MACROD2: variants seen among roughly 807,000 people sequenced by gnomAD.
MACROD2 encodes ADP-ribose glycohydrolase MACROD2.
A neutral mutation model predicts 70.4 loss-of-function variants in MACROD2; 36 were observed. That is an observed-to-expected ratio of 0.51 (90% CI 0.39 to 0.68). The LOEUF (loss-of-function observed/expected upper bound fraction) is 0.68. MACROD2 is among the 30% of genes least tolerant of loss of function. The probability of loss-of-function intolerance (pLI) is 0.00; values close to 1 mark genes in which losing one functional copy is unlikely to be tolerated. For synonymous variants in MACROD2, 172 were observed against 178.8 expected, an observed-to-expected ratio of 0.96 and a Z score of 0.30; for missense variants, 496 against 538.4, an observed-to-expected ratio of 0.92 and a Z score of 0.78.
At chr20:15,128,662 T>G (rs892354327) in intron 5 of MACROD2, among the ~76,000 whole-genome samples, 1 of 152,076 alleles carries the variant, frequency 6.6e-6, no homozygotes, top group Non-Finnish European at 1.5e-5. Flanking sequence ...CATTTGCTTT[T>G]GAAAGTAATT....
intron 3 of MACROD2, among the ~76,000 whole-genome samples, chr20:14,343,304 T>A (rs2083033658): frequency 6.6e-6 from 1 of 151,814 alleles, no homozygotes; most frequent in Admixed American, 6.6e-5. Context: ...GCAGATTGAG[T>A]CAATCATTTC....
intron 5 of MACROD2, chr20:14,894,775 G>A (rs931913636): frequency 2.0e-5 from 3 of 151,932 alleles, no homozygotes; most frequent in African/African-American, 7.3e-5. Flanking sequence ...TTATCATATT[G>A]ATTTCAGATC....
intron 8 of MACROD2, among the ~76,000 whole-genome samples, chr20:15,654,800 C>T (rs2049702240): frequency 6.6e-6 from 1 of 152,204 alleles, no homozygotes; most frequent in African/African-American, 2.4e-5. Context: ...ATTAGTGCCC[C>T]TTGTATCCTA....
intron 8 of MACROD2, among the ~76,000 whole-genome samples, chr20:15,636,839 G>C (rs1191503144): frequency 1.3e-5 from 2 of 152,090 alleles, no homozygotes; most frequent in Non-Finnish European, 2.9e-5. Flanking sequence ...TGGGGGCCAA[G>C]CAGGAGGGGA....
intron 8 of MACROD2, among the ~76,000 whole-genome samples, chr20:15,604,526 A>G (rs2048866657): frequency 6.6e-6 from 1 of 152,226 alleles, no homozygotes; most frequent in African/African-American, 2.4e-5. Flanking sequence ...CCAGTGGACA[A>G]GAGGACCAAA....
chr20:15,550,743 A>G lies in MACROD2; in HGVS notation c.645+50896A>G, dbSNP rs115658164. Among the ~76,000 whole-genome samples the G allele has an allele frequency of 5.4e-3, 823 of 152,300 alleles. 6 individuals carry two copies. Among genetic ancestry groups the G allele is most frequent in the African/African-American group, 0.019 (785 of 41,566 alleles). ...TTCTAATCCTGTTCCCTGCCGGGGTAGCACAACAGGCACTGGGCTAAATGA... is the reference window on the plus strand; with the variant it reads ...TTCTAATCCTGTTCCCTGCCGGGGTGGCACAACAGGCACTGGGCTAAATGA... On this transcript the variant is annotated intron_variant, in intron 8 of 17. Coordinates refer to ENST00000684519, the MANE Select transcript of MACROD2 (RefSeq NM_001351661.2).
intron 8 of MACROD2, among the ~76,000 whole-genome samples, chr20:15,554,722 A>AG (rs1248074254): frequency 6.6e-6 from 1 of 152,186 alleles, no homozygotes; most frequent in Non-Finnish European, 1.5e-5. Context: ...AATGTGAGGA[A>AG]GGGTAGGAAG....
intron 15 of MACROD2, among the ~76,000 whole-genome samples, chr20:16,008,371 A>G (rs868469476): frequency 6.6e-6 from 1 of 152,250 alleles, no homozygotes; most frequent in African/African-American, 2.4e-5. Context: ...GATTGCACAC[A>G]GTGATCCATA....
chr20:14,022,629 G>T (rs1468792897), intron 2 of MACROD2, among the ~76,000 whole-genome samples: 1 of 151,746 alleles, frequency 6.6e-6, no homozygotes, highest in Non-Finnish European at 1.5e-5. Flanking sequence ...GATGTGTGAT[G>T]TTCCCCTCCC....
At chr20:14,824,503 G>C (rs1361597492) in intron 5 of MACROD2, among the ~76,000 whole-genome samples, 1 of 152,040 alleles carries the variant, frequency 6.6e-6, no homozygotes, top group African/African-American at 2.4e-5. Flanking sequence ...GGGGCTGAAG[G>C]ATCCACTTCC....
At chr20:14,303,016 A>T (rs1159694326) in intron 3 of MACROD2, among the ~76,000 whole-genome samples, 1 of 152,190 alleles carries the variant, frequency 6.6e-6, no homozygotes, top group African/African-American at 2.4e-5. Flanking sequence ...ATTGTTAAAC[A>T]TTCGTAAAGA....
intron 3 of MACROD2, among the ~76,000 whole-genome samples, chr20:14,285,672 C>T (rs552054726): frequency 2.0e-5 from 3 of 151,770 alleles, no homozygotes; most frequent in Admixed American, 2.0e-4. Context: ...ATCTCCAGTC[C>T]CTCACTTTAT....
intron 4 of MACROD2, among the ~76,000 whole-genome samples, chr20:14,497,514 T>A (rs1465459950): frequency 4.6e-5 from 7 of 151,702 alleles, no homozygotes; most frequent in Non-Finnish European, 8.8e-5. Context: ...GGAACAAAAT[T>A]TACGGTCTCT....
intron 8 of MACROD2, among the ~76,000 whole-genome samples, chr20:15,576,776 T>C (rs1187073534): frequency 4.6e-5 from 7 of 152,124 alleles, no homozygotes; most frequent in Non-Finnish European, 8.8e-5. Context: ...TCTAAGAAAA[T>C]ATTTATTTTT....
chr20:15,844,736 A>G (rs935495020), intron 8 of MACROD2, among the ~76,000 whole-genome samples: 1 of 152,174 alleles, frequency 6.6e-6, no homozygotes, highest in Non-Finnish European at 1.5e-5. Context: ...ATGAATGTAT[A>G]CATTCAACTT....
rs1246315096 is a variant in MACROD2, at chr20:13,995,579, G to C, written c.-185G>C. 2 of 675,344 alleles carry C rather than the reference G, an allele frequency of 3.0e-6. No individual in the cohort carries two copies. The highest frequency in any genetic ancestry group is 1.8e-5 in the African/African-American group (1 of 56,500). 41.8% of individuals were successfully genotyped at this position (675,344 alleles called of 1,614,324 possible). ...GCTGAGGCGGGTGGGAGCCGGAGCCGAGCGCGGGCTGAGGGAGGAGGGCGG... is the reference window on the plus strand; with the variant it reads ...GCTGAGGCGGGTGGGAGCCGGAGCCCAGCGCGGGCTGAGGGAGGAGGGCGG... On this transcript the variant is annotated 5_prime_UTR_variant, in exon 1 of 18. Coordinates refer to ENST00000684519, the MANE Select transcript of MACROD2 (RefSeq NM_001351661.2). This position sits in a 1 kb window ranked among gnomAD's most constrained non-coding sequence, Gnocchi z 4.3.
At chr20:15,904,239 G>A (rs970521066) in intron 10 of MACROD2, among the ~76,000 whole-genome samples, 10 of 151,882 alleles carry the variant, frequency 6.6e-5, no homozygotes, top group Non-Finnish European at 1.2e-4. Flanking sequence ...GGCTGGTCTC[G>A]AACTTCTGAA....
At chr20:14,280,720 G>A (rs2082299849) in intron 3 of MACROD2, among the ~76,000 whole-genome samples, 1 of 152,290 alleles carries the variant, frequency 6.6e-6, no homozygotes, top group South Asian at 2.1e-4. Context: ...ACCTTTTTAA[G>A]CATCTTTGTA....
intron 8 of MACROD2, among the ~76,000 whole-genome samples, chr20:15,698,806 G>C (rs2050413452): frequency 1.3e-5 from 2 of 151,880 alleles, no homozygotes; most frequent in South Asian, 4.2e-4. Context: ...TTGTGGATTG[G>C]GTTAATTCAA....
Sources: gnomAD v4.1 joint callset for allele counts (sites outside exome capture counted in the v4.1 genomes callset) on GRCh38, gnomAD v4.1.1 for gene constraint, Gnocchi (gnomAD v3.1) non-coding constraint, MANE v1.5 for transcripts, NCBI Gene and HGNC (gene_info 2026-07-23, HGNC 2026-07-21) for gene names.